Variants in LRRC20 observed in about 807,000 individuals in gnomAD.
The protein encoded by LRRC20 is leucine rich repeat containing 20, also known as leucine-rich repeat-containing protein 20.
In LRRC20, 11 loss-of-function variants were observed where a neutral mutation model predicts 14.4. The observed-to-expected ratio is 0.77, with a 90% CI of 0.48 to 1.27. The LOEUF is 1.27. LRRC20 is among the 50% of genes most tolerant of loss of function. The probability of loss-of-function intolerance (pLI) is 0.00; values close to 1 mark genes in which losing one functional copy is unlikely to be tolerated. For missense variants in LRRC20, 219 were observed against 251.2 expected (o/e 0.87, Z 0.87); for synonymous variants, 121 against 107.3 (o/e 1.13, Z -0.79).
intron 4 of LRRC20, among the ~76,000 whole-genome samples, chr10:70,319,059 G>A (rs7897197): frequency 0.017 from 2,531 of 151,668 alleles, 97 homozygotes; most frequent in African/African-American, 0.058. Context: ...CTCCCACCTC[G>A]GCCTGCCAAA....
At chr10:70,331,719 G>A (rs940458171) in intron 3 of LRRC20, among the ~76,000 whole-genome samples, 4 of 152,126 alleles carry the variant, frequency 2.6e-5, no homozygotes, top group Admixed American at 6.5e-5. Flanking sequence ...AGGATGGACC[G>A]GGGCTCTGGA....
chr10:70,307,208 C>T (rs752920915), intron 4 of LRRC20, among the ~76,000 whole-genome samples: 37 of 152,224 alleles, frequency 2.4e-4, no homozygotes, highest in Non-Finnish European at 3.7e-4. Flanking sequence ...CTGTGTACAT[C>T]GAATCCATCT....
intron 3 of LRRC20, among the ~76,000 whole-genome samples, chr10:70,338,810 G>A (rs1293296420): frequency 1.3e-4 from 20 of 152,106 alleles, no homozygotes; most frequent in Admixed American, 3.3e-4. Flanking sequence ...ACAGGTGTGC[G>A]CCACCACACC....
At position 70,304,347 on chromosome 10, in the gene LRRC20, G is replaced by A. The variant is rs148522763; in HGVS notation, c.401-2839C>T. 5.2e-3 allele frequency among the ~76,000 whole-genome samples: 792 copies of A among 151,736 alleles called. 5 individuals carry two copies. Among genetic ancestry groups the A allele is most frequent in the African/African-American group, 0.018 (729 of 41,370 alleles). On this transcript the variant is annotated intron_variant, in intron 4 of 4. Coordinates refer to ENST00000446961, the MANE Select transcript of LRRC20 (RefSeq NM_001278212.2). ...CTCCTAGGCACAAAATATTGCCCAC[G>A]GTTGGGGGCTTTTTGTTTTTGTGGT...
At chr10:70,328,727 G>A (rs1842421050) in intron 3 of LRRC20, among the ~76,000 whole-genome samples, 1 of 152,218 alleles carries the variant, frequency 6.6e-6, no homozygotes, top group Admixed American at 6.5e-5. Flanking sequence ...AGACCAGCCT[G>A]CACAACATGG....
intron 2 of LRRC20, among the ~76,000 whole-genome samples, chr10:70,374,114 A>C (rs1026687421): frequency 2.6e-5 from 4 of 152,126 alleles, no homozygotes; most frequent in African/African-American, 9.7e-5. Flanking sequence ...CACCTGCCCC[A>C]GTGCTGCTGT....
chr10:70,350,507 G>A (rs181203710), intron 2 of LRRC20, among the ~76,000 whole-genome samples: 20 of 152,280 alleles, frequency 1.3e-4, no homozygotes, highest in Non-Finnish European at 2.9e-4. Context: ...GCAGAACCAG[G>A]GCAGAAGGAG....
chr10:70,334,525 A>G (rs979597650), intron 3 of LRRC20, among the ~76,000 whole-genome samples: 6 of 152,036 alleles, frequency 3.9e-5, no homozygotes, highest in Non-Finnish European at 5.9e-5. Flanking sequence ...GGGCACTGAC[A>G]TACACTGTTC....
chr10:70,348,316 C>T (rs1480601643), intron 2 of LRRC20, among the ~76,000 whole-genome samples: 1 of 152,182 alleles, frequency 6.6e-6, no homozygotes, highest in Admixed American at 6.5e-5. Context: ...GGTCCATGAT[C>T]TCCAGAACAG....
chr10:70,360,917 A>G (rs140939640), intron 2 of LRRC20, among the ~76,000 whole-genome samples: 1 of 152,256 alleles, frequency 6.6e-6, no homozygotes, highest in Non-Finnish European at 1.5e-5. Context: ...TCATAATGGC[A>G]CACGCCTATA....
intron 3 of LRRC20, among the ~76,000 whole-genome samples, chr10:70,328,644 G>A (rs953485389): frequency 4.6e-5 from 7 of 152,338 alleles, no homozygotes; most frequent in African/African-American, 7.2e-5. Flanking sequence ...AAGACCAGGC[G>A]CAGTGGCTCA....
At chr10:70,328,805 C>T (rs779696436) in intron 3 of LRRC20, among the ~76,000 whole-genome samples, 20 of 152,100 alleles carry the variant, frequency 1.3e-4, no homozygotes, top group Non-Finnish European at 2.5e-4. Context: ...GTAATCCCAG[C>T]TACTTGGGAG....
intron 4 of LRRC20, among the ~76,000 whole-genome samples, chr10:70,321,235 T>C (rs1376071263): frequency 1.3e-5 from 2 of 152,242 alleles, no homozygotes; most frequent in Admixed American, 6.5e-5. Flanking sequence ...ATTATCCCAG[T>C]GAGGTGCTGC....
At chr10:70,377,818 G>A (rs1479242329) in intron 1 of LRRC20, among the ~76,000 whole-genome samples, 1 of 152,236 alleles carries the variant, frequency 6.6e-6, no homozygotes, top group African/African-American at 2.4e-5. Flanking sequence ...GTTACTGTGA[G>A]TTTAGTATGT....
At position 70,374,351 on chromosome 10, in the gene LRRC20, C is replaced by CTTTTTTTT. The variant is rs57167315; in HGVS notation, c.82+2093_82+2100dup. The stretch of plus-strand genomic sequence containing the variant: ...GCTGTGTCCCTATCCCCTGTGAAGC[C>CTTTTTTTT]TTTTTTTTTTTTTTTTGAGATGGAA... On this transcript the variant is annotated intron_variant, in intron 2 of 4. Coordinates refer to ENST00000446961, the MANE Select transcript of LRRC20 (RefSeq NM_001278212.2). Among the ~76,000 whole-genome samples, 2 of 133,186 alleles carry CTTTTTTTT rather than the reference C, an allele frequency of 1.5e-5. 1 individual carries two copies. 87.4% of individuals were successfully genotyped at this position (133,186 alleles called of 152,430 possible).
chr10:70,304,493 T>TATATATATAC (rs1841338639), intron 4 of LRRC20, among the ~76,000 whole-genome samples: 1 of 142,596 alleles, frequency 7.0e-6, no homozygotes, highest in Non-Finnish European at 1.5e-5. Context: ...TATATATATA[T>TATATATATAC]ATATATATAT....
At position 70,377,275 on chromosome 10, in the gene LRRC20, C is replaced by T. The variant is rs539583965; in HGVS notation, c.-63-679G>A. Among the ~76,000 whole-genome samples, 14 of 152,020 alleles carry T rather than the reference C, an allele frequency of 9.2e-5. No individual in the cohort carries two copies. The South Asian group carries it at 1.0e-3, about 11-fold the overall frequency. On this transcript the variant is annotated intron_variant, in intron 1 of 4. Coordinates refer to ENST00000446961, the MANE Select transcript of LRRC20 (RefSeq NM_001278212.2). ...ATCTGCAAGAAAAGCGGGCAGGGGCCGGGGGGTGGAGATGGAAATGAGAGA... is the reference window on the plus strand; with the variant it reads ...ATCTGCAAGAAAAGCGGGCAGGGGCTGGGGGGTGGAGATGGAAATGAGAGA...
At chr10:70,301,760 G>C (rs1341650321) in intron 4 of LRRC20, among the ~76,000 whole-genome samples, 4 of 152,196 alleles carry the variant, frequency 2.6e-5, no homozygotes, top group Non-Finnish European at 5.9e-5. Flanking sequence ...ACGTAGGATT[G>C]CCATACAACC....
At chr10:70,324,407 G>T (rs1221958599) in intron 3 of LRRC20, among the ~76,000 whole-genome samples, 1 of 152,176 alleles carries the variant, frequency 6.6e-6, no homozygotes, top group Non-Finnish European at 1.5e-5. Context: ...CTCCCCCTCG[G>T]GGCTCCCCAC....
Sources: gnomAD v4.1 joint callset for allele counts (sites outside exome capture counted in the v4.1 genomes callset) on GRCh38, gnomAD v4.1.1 for gene constraint, MANE v1.5 for transcripts, NCBI Gene and HGNC (gene_info 2026-07-23, HGNC 2026-07-21) for gene names.